Variants in NALF1 observed in about 807,000 individuals in gnomAD.
NALF1 encodes family with sequence similarity 155 member A.
Under a neutral mutation model 48.4 loss-of-function variants are expected in NALF1, and 3 were observed. That is an observed-to-expected ratio of 0.06 (90% CI 0.03 to 0.16). The LOEUF (loss-of-function observed/expected upper bound fraction) is 0.16. Among genes scored for constraint, NALF1 ranks in the 10% least tolerant of loss-of-function variants. NALF1 has a pLI of 1.00. For missense variants in NALF1, 526 were observed against 571.5 expected (o/e 0.92, Z 0.81); for synonymous variants, 262 against 245.7 (o/e 1.07, Z -0.62).
chr13:107,613,996 CAGAA>C (rs1159546167), intron 1 of NALF1, among the ~76,000 whole-genome samples: 5 of 152,302 alleles, frequency 3.3e-5, no homozygotes, highest in South Asian at 4.1e-4. Context: ...AATTGATACT[CAGAA>C]AGGGTAAGTA....
chr13:107,638,849 C>T (rs1045678406), intron 1 of NALF1, among the ~76,000 whole-genome samples: 1 of 152,078 alleles, frequency 6.6e-6, no homozygotes, highest in African/African-American at 2.4e-5. Context: ...GCTAGTGAGG[C>T]TGGAGAACAG....
chr13:107,844,626 G>A (rs77917036), intron 1 of NALF1, among the ~76,000 whole-genome samples: 2,916 of 152,230 alleles, frequency 0.019, 51 homozygotes, highest in African/African-American at 0.046. Flanking sequence ...TATAGTAATT[G>A]TATGAATCAT....
intron 1 of NALF1, among the ~76,000 whole-genome samples, chr13:107,347,016 T>A (rs916495986): frequency 6.6e-6 from 1 of 152,218 alleles, no homozygotes; most frequent in Non-Finnish European, 1.5e-5. Flanking sequence ...AATTTTCTTA[T>A]TTCTTTTTTA....
At chr13:107,590,573 A>T (rs1037906506) in intron 1 of NALF1, among the ~76,000 whole-genome samples, 1 of 151,992 alleles carries the variant, frequency 6.6e-6, no homozygotes, top group Non-Finnish European at 1.5e-5. Context: ...ATCAAGAAAG[A>T]TTTAGAACAG....
intron 1 of NALF1, among the ~76,000 whole-genome samples, chr13:107,692,031 C>A (rs561161800): frequency 4.9e-4 from 74 of 152,180 alleles, no homozygotes; most frequent in African/African-American, 1.7e-3. Context: ...AATGAATGAA[C>A]AAATGAAGCA....
intron 1 of NALF1, among the ~76,000 whole-genome samples, chr13:107,256,682 G>C (rs1179742314): frequency 6.7e-6 from 1 of 149,174 alleles, no homozygotes; most frequent in East Asian, 2.0e-4. Flanking sequence ...ACCAATAAAA[G>C]TTGGGACTAC....
At chr13:107,504,419 T>A (rs1197041918) in intron 1 of NALF1, among the ~76,000 whole-genome samples, 3 of 152,082 alleles carry the variant, frequency 2.0e-5, no homozygotes, top group Non-Finnish European at 4.4e-5. Flanking sequence ...GTAAATAGAT[T>A]TAAGCCGCTC....
At chr13:107,210,177 T>A (rs964314516) in intron 2 of NALF1, among the ~76,000 whole-genome samples, 2 of 151,968 alleles carry the variant, frequency 1.3e-5, no homozygotes, top group Non-Finnish European at 2.9e-5. Flanking sequence ...TAAAAGAAAA[T>A]AGGCAAGAGA....
chr13:107,392,941 C>G (rs1031431811), intron 1 of NALF1, among the ~76,000 whole-genome samples: 1 of 152,052 alleles, frequency 6.6e-6, no homozygotes, highest in Non-Finnish European at 1.5e-5. Context: ...CAAGAAGGAT[C>G]TAACCACAGT....
chr13:107,384,079 T>G (rs1340952293), intron 1 of NALF1, among the ~76,000 whole-genome samples: 2 of 151,942 alleles, frequency 1.3e-5, no homozygotes, highest in African/African-American at 4.8e-5. Context: ...CAAGGTCCCA[T>G]CTCTATAAAA....
intron 1 of NALF1, among the ~76,000 whole-genome samples, chr13:107,644,419 G>A (rs1456174033): frequency 2.0e-5 from 3 of 147,652 alleles, no homozygotes; most frequent in African/African-American, 7.4e-5. Context: ...GGAAACTCAG[G>A]TTAAAAAAAA....
At chr13:107,176,753 A>G (rs1878947989) in intron 2 of NALF1, among the ~76,000 whole-genome samples, 1 of 152,144 alleles carries the variant, frequency 6.6e-6, no homozygotes, top group East Asian at 1.9e-4. Flanking sequence ...AGAGATAAAT[A>G]CTAAAATCAG....
intron 1 of NALF1, among the ~76,000 whole-genome samples, chr13:107,680,603 T>C (rs1461159474): frequency 2.7e-5 from 1 of 37,352 alleles, no homozygotes; most frequent in East Asian, 1.0e-3. Flanking sequence ...AGGATGTATG[T>C]GTGCACGAGT....
chr13:107,309,531 A>T (rs549835896), intron 1 of NALF1, among the ~76,000 whole-genome samples: 2 of 152,188 alleles, frequency 1.3e-5, no homozygotes, highest in African/African-American at 4.8e-5. Context: ...CTGACATTTA[A>T]TCAACTAGCA....
intron 1 of NALF1, among the ~76,000 whole-genome samples, chr13:107,509,799 A>G (rs754290698): frequency 1.3e-5 from 2 of 151,686 alleles, no homozygotes; most frequent in African/African-American, 2.4e-5. Flanking sequence ...TTTAACTACA[A>G]TTATTATTAT....
chr13:107,649,876 C>T (rs1266986227), intron 1 of NALF1, among the ~76,000 whole-genome samples: 2 of 152,136 alleles, frequency 1.3e-5, no homozygotes, highest in Non-Finnish European at 2.9e-5. Context: ...CATCGTGATT[C>T]AAATACAGGT....
intron 1 of NALF1, among the ~76,000 whole-genome samples, chr13:107,823,843 G>C (rs1292949844): frequency 1.3e-5 from 2 of 152,144 alleles, no homozygotes; most frequent in Non-Finnish European, 2.9e-5. Flanking sequence ...CTTGCTTTCA[G>C]TGCTCTCATC....
intron 1 of NALF1, among the ~76,000 whole-genome samples, chr13:107,606,360 T>C (rs766057453): frequency 3.4e-5 from 5 of 145,974 alleles, no homozygotes; most frequent in Non-Finnish European, 6.0e-5. Flanking sequence ...GTATATCTTA[T>C]TTATTTATAT....
intron 1 of NALF1, among the ~76,000 whole-genome samples, chr13:107,532,711 G>A (rs1002696432): frequency 3.3e-5 from 5 of 151,882 alleles, no homozygotes; most frequent in Non-Finnish European, 7.4e-5. Context: ...TGTCTCATGT[G>A]TTTGGTCCAT....
Sources: allele counts gnomAD v4.1 joint callset (sites outside exome capture counted in the v4.1 genomes callset), GRCh38; gene constraint gnomAD v4.1.1; transcripts MANE v1.5; gene names NCBI Gene and HGNC (gene_info 2026-07-23, HGNC 2026-07-21).